Variants in MCRIP1 observed in about 807,000 individuals in gnomAD.
MCRIP1 encodes the protein MAPK regulated corepressor interacting protein 1.
In MCRIP1, 10 loss-of-function variants were observed where a neutral mutation model predicts 14.4. The ratio of observed to expected loss-of-function variants is 0.70; its 90% CI spans 0.43 to 1.18. The LOEUF (loss-of-function observed/expected upper bound fraction) is 1.18. Among genes scored for constraint, MCRIP1 ranks in the 50% most tolerant of loss-of-function variants. MCRIP1 has a pLI of 0.00. For missense variants in MCRIP1, 119 were observed against 135.4 expected (o/e 0.88, Z 0.60); for synonymous variants, 53 against 55.7 (o/e 0.95, Z 0.21).
chr17:81,824,750 T>C (rs1371651954), intron 1 of MCRIP1, 196 bp from the exon 2 acceptor site: 41 of 1,431,886 alleles, frequency 2.9e-5, no homozygotes, highest in Non-Finnish European at 3.6e-5. Flanking sequence ...CCCTACGAGG[T>C]AGCAGAGAGC....
chr17:81,826,357 G>A (rs527878536), intron 1 of MCRIP1: 23 of 1,535,476 alleles, frequency 1.5e-5, no homozygotes, highest in African/African-American at 1.2e-4. Context: ...ACACACATGC[G>A]GCACACACCC....
intron 1 of MCRIP1, chr17:81,825,548 G>A (rs1287154800): frequency 1.6e-6 from 2 of 1,283,378 alleles, no homozygotes; most frequent in Non-Finnish European, 1.0e-6. Flanking sequence ...AGCCCTCACA[G>A]AGGGCCAGGA....
At chr17:81,825,433 G>C in intron 1 of MCRIP1, 1 of 1,193,014 alleles carries the variant, frequency 8.4e-7, no homozygotes, top group South Asian at 1.5e-5. Flanking sequence ...TCCAGGTTCT[G>C]GGGGAGGGGA....
rs891984558 is a variant in MCRIP1, at chr17:81,823,142, C to G, written c.*105G>C. 5.4e-6 allele frequency: 6 copies of G among 1,107,426 alleles called. No homozygotes were observed. In the East Asian group the frequency reaches 1.5e-4, roughly 28 times the overall value. 68.6% of individuals were successfully genotyped at this position (1,107,426 alleles called of 1,614,324 possible). A position where few individuals can be genotyped will look rare whatever the true frequency, so the allele number is the denominator to read the frequency against. Reference sequence around the variant, plus strand: ...CACGCCAGTGCTGGGATCTGCAGCCCGCTGGAGCAAGGCACCCCCATCCCA... The same window carrying G: ...CACGCCAGTGCTGGGATCTGCAGCCGGCTGGAGCAAGGCACCCCCATCCCA... On this transcript the variant is annotated 3_prime_UTR_variant, in exon 5 of 5. Transcript: ENST00000455127. The surrounding 1 kb of genome is among the most constrained non-coding windows in gnomAD (Gnocchi z 6.0).
In MCRIP1 at chr17:81,822,600, C is replaced by T. The variant is rs958849282; in HGVS notation, c.*647G>A. On this transcript the variant is annotated 3_prime_UTR_variant, in exon 5 of 5. Transcript: ENST00000455127. ...TGCCCCTGCCCAGGGGCCACTGTGA[C>T]CGCAGACACCAGGAGGCCAGGCCTG... is the stretch of plus-strand genomic sequence containing the variant. 4.6e-5 allele frequency: 7 copies of T among 153,434 alleles called. No individual in the cohort carries two copies. The highest frequency in any genetic ancestry group is 9.6e-5 in the African/African-American group (4 of 41,454). 9.5% of individuals were successfully genotyped at this position (153,434 alleles called of 1,614,324 possible). A position where few individuals can be genotyped will look rare whatever the true frequency, so the allele number is the denominator to read the frequency against.
intron 2 of MCRIP1, 42 bp downstream of exon 2, chr17:81,824,457 A>C (rs1030821988): frequency 2.1e-5 from 32 of 1,534,036 alleles, no homozygotes; most frequent in Non-Finnish European, 2.7e-5. Context: ...GGGAGCCCAC[A>C]ACCCGCCCCG....
At chr17:81,825,626 C>G in intron 1 of MCRIP1, 2 of 1,289,384 alleles carry the variant, frequency 1.6e-6, no homozygotes, top group South Asian at 1.2e-5. Context: ...TCAAACACCA[C>G]GTGATAAGAA....
chr17:81,825,365 C>T, intron 1 of MCRIP1: 2 of 1,182,830 alleles, frequency 1.7e-6, no homozygotes, highest in Admixed American at 3.7e-5. Context: ...CACACAACCC[C>T]AAGGTGGGGA....
intron 1 of MCRIP1, among the ~76,000 whole-genome samples, chr17:81,831,740 G>T (rs1054610635): frequency 6.6e-6 from 1 of 152,190 alleles, no homozygotes; most frequent in Non-Finnish European, 1.5e-5. Context: ...AGCATTTGGG[G>T]CTCAGCCCGA....
chr17:81,826,817 CAAAA>C (rs1169330913), intron 1 of MCRIP1, among the ~76,000 whole-genome samples: 5 of 47,044 alleles, frequency 1.1e-4, no homozygotes, highest in Non-Finnish European at 2.1e-4. Flanking sequence ...GACTCCATCT[CAAAA>C]AAAAAAAAAA....
At chr17:81,832,302 GA>G (rs2038535652) in intron 1 of MCRIP1, among the ~76,000 whole-genome samples, 1 of 152,148 alleles carries the variant, frequency 6.6e-6, no homozygotes, top group African/African-American at 2.4e-5. Flanking sequence ...ACCGCCCAGG[GA>G]AAGCCTCTAA....
Position 81,828,624 on chromosome 17 carries a change from G to A in MCRIP1, c.-48-4070C>T, listed in dbSNP as rs565583641. ...CTGGCCTATTCCCATAAGGGAATCA[G>A]CAGCCAGAGGGGGCACCACAGCCCC... On this transcript the variant is annotated intron_variant, in intron 1 of 4. Transcript: ENST00000455127. Among the ~76,000 whole-genome samples, 8 of 152,228 alleles carry A rather than the reference G, an allele frequency of 5.3e-5. No individual in the cohort carries two copies. The South Asian group carries it at 1.7e-3, about 32-fold the overall frequency.
intron 1 of MCRIP1, 30 bp downstream of exon 1, chr17:81,833,208 C>T (rs1430012043): frequency 2.7e-5 from 4 of 148,296 alleles, no homozygotes; most frequent in African/African-American, 7.3e-5. Context: ...CCCGCCCCGT[C>T]CCCGCCGCCC....
chr17:81,826,200 T>C, intron 1 of MCRIP1: 1 of 1,515,682 alleles, frequency 6.6e-7, no homozygotes, highest in Non-Finnish European at 8.8e-7. Flanking sequence ...GCAACTACCC[T>C]TCCGGGGCTC....
intron 1 of MCRIP1, chr17:81,825,440 G>C: frequency 1.7e-6 from 2 of 1,193,262 alleles, no homozygotes; most frequent in Non-Finnish European, 1.1e-6. Context: ...TCTGGGGGAG[G>C]GGAGTCCCAG....
chr17:81,831,571 T>C (rs2038520896), intron 1 of MCRIP1, among the ~76,000 whole-genome samples: 2 of 152,100 alleles, frequency 1.3e-5, no homozygotes, highest in South Asian at 4.2e-4. Flanking sequence ...CAGCAAACAC[T>C]TGTCGGGCTA....
intron 1 of MCRIP1, among the ~76,000 whole-genome samples, chr17:81,828,007 CCT>C (rs2038445105): frequency 1.3e-5 from 2 of 151,928 alleles, no homozygotes; most frequent in South Asian, 4.1e-4. Flanking sequence ...GTCTCGATCT[CCT>C]GACCTCGTGA....
At chr17:81,825,008 C>A in intron 1 of MCRIP1, 1 of 1,037,762 alleles carries the variant, frequency 9.6e-7, no homozygotes. Flanking sequence ...CAGGGCTGGG[C>A]ACACGGCTTC....
chr17:81,823,460 C>T lies in MCRIP1; in HGVS notation c.181G>A (p.Gly61Ser). Residue 61 changes from glycine (G) to serine (S), a missense_variant, in exon 4 of 5, where the codon GGC (glycine) becomes AGC (serine). Physicochemically the swap from Gly to Ser is moderately conservative, Grantham distance 56. Coordinates refer to ENST00000455127, the MANE Select transcript of MCRIP1 (RefSeq NM_207368.5). The surrounding 1 kb of genome is among the most constrained non-coding windows in gnomAD (Gnocchi z 6.0). ...LRGQVPGGERGLVEEYVEKVP... is the reference protein window; with the variant it reads ...LRGQVPGGERSLVEEYVEKVP... The stretch of plus-strand genomic sequence containing the variant: ...TTCTCCACATACTCCTCCACCAGGC[C>T]CCGCTCGCCACCCGGCACCTGGCCT... 6.5e-7 allele frequency: 1 copy of T among 1,536,732 alleles called. No homozygotes were observed. The highest frequency in any genetic ancestry group is 8.7e-7 in the Non-Finnish European group (1 of 1,146,780).
Sources: allele counts gnomAD v4.1 joint callset (sites outside exome capture counted in the v4.1 genomes callset), GRCh38; gene constraint gnomAD v4.1.1; non-coding constraint Gnocchi (gnomAD v3.1); transcripts MANE v1.5; gene names NCBI Gene and HGNC (gene_info 2026-07-23, HGNC 2026-07-21).